The following CDH8 variants were observed in gnomAD, a reference collection of about 807,000 sequenced individuals.
The protein encoded by CDH8 is cadherin-8.
A neutral mutation model predicts 68.1 loss-of-function variants in CDH8; 17 were observed. The ratio of observed to expected loss-of-function variants is 0.25; its 90% CI spans 0.17 to 0.37. The LOEUF (loss-of-function observed/expected upper bound fraction) is 0.37. Ranked by LOEUF, CDH8 falls within the 10% of genes least tolerant of loss-of-function variation. The probability of loss-of-function intolerance (pLI) is 1.00; values close to 1 mark genes in which losing one functional copy is unlikely to be tolerated. For missense variants in CDH8, 763 were observed against 999.3 expected (o/e 0.76, Z 3.19); for synonymous variants, 372 against 365.1 (o/e 1.02, Z -0.21).
At chr16:61,867,479 A>G (rs1963278382) in intron 3 of CDH8, among the ~76,000 whole-genome samples, 2 of 152,128 alleles carry the variant, frequency 1.3e-5, no homozygotes, top group South Asian at 4.1e-4. Flanking sequence ...TAAACAGTTA[A>G]AGCAAAGTTT....
intron 3 of CDH8, among the ~76,000 whole-genome samples, chr16:61,879,181 C>T (rs1371639361): frequency 6.6e-6 from 1 of 151,892 alleles, no homozygotes; most frequent in Non-Finnish European, 1.5e-5. Flanking sequence ...CCTCTGATGA[C>T]AACAATTTAA....
At chr16:61,655,064 G>A (rs549675741) in intron 11 of CDH8, among the ~76,000 whole-genome samples, 3 of 152,182 alleles carry the variant, frequency 2.0e-5, no homozygotes, top group East Asian at 1.9e-4. Context: ...TTTGGGATCC[G>A]ATGGACTCAG....
At chr16:61,698,962 C>A (rs1286147037) in intron 10 of CDH8, among the ~76,000 whole-genome samples, 1 of 152,136 alleles carries the variant, frequency 6.6e-6, no homozygotes, top group East Asian at 1.9e-4. Flanking sequence ...GCCATGTAAT[C>A]CTCATTTATT....
intron 10 of CDH8, 131 bp downstream of exon 10, chr16:61,713,710 T>C (rs1964671290): frequency 1.0e-5 from 6 of 597,026 alleles, no homozygotes; most frequent in Non-Finnish European, 1.8e-5. Context: ...GCCATTATAC[T>C]GATAAGCTGA....
chr16:61,754,818 G>A (rs1460723475), intron 8 of CDH8, among the ~76,000 whole-genome samples: 2 of 151,798 alleles, frequency 1.3e-5, no homozygotes, highest in African/African-American at 4.8e-5. Context: ...AGGTTACCTG[G>A]GTATATTGTA....
chr16:61,996,423 T>C (rs1965805269), intron 2 of CDH8, among the ~76,000 whole-genome samples: 1 of 152,220 alleles, frequency 6.6e-6, no homozygotes, highest in South Asian at 2.1e-4. Context: ...CTCTGGCATT[T>C]TCCCTTCTTA....
intron 10 of CDH8, among the ~76,000 whole-genome samples, chr16:61,693,963 C>T (rs58873204): frequency 0.11 from 17,400 of 152,066 alleles, 1,003 homozygotes; most frequent in Non-Finnish European, 0.12. Flanking sequence ...AAATGCTTTA[C>T]CTCATTATCA....
chr16:61,925,660 C>A (rs1463678627), intron 2 of CDH8, among the ~76,000 whole-genome samples: 1 of 152,142 alleles, frequency 6.6e-6, no homozygotes, highest in Non-Finnish European at 1.5e-5. Flanking sequence ...AAGCATCAAG[C>A]AACATGAATT....
chr16:61,977,129 A>G (rs1267075235), intron 2 of CDH8, among the ~76,000 whole-genome samples: 1 of 152,134 alleles, frequency 6.6e-6, no homozygotes, highest in Non-Finnish European at 1.5e-5. Context: ...AAGTCCCTTT[A>G]CTTCTATAGA....
chr16:61,978,272 C>T (rs1046383632), intron 2 of CDH8, among the ~76,000 whole-genome samples: 10 of 152,156 alleles, frequency 6.6e-5, no homozygotes, highest in Non-Finnish European at 1.2e-4. Context: ...CCTCTTCCTG[C>T]ACAAATCACA....
intron 2 of CDH8, among the ~76,000 whole-genome samples, chr16:61,974,601 T>C (rs1965403811): frequency 6.6e-6 from 1 of 152,170 alleles, no homozygotes; most frequent in African/African-American, 2.4e-5. Context: ...GTAGATATCC[T>C]TAGATTTTTT....
intron 2 of CDH8, among the ~76,000 whole-genome samples, chr16:61,992,077 T>TGTGA (rs34925928): frequency 5.5e-5 from 8 of 144,242 alleles, no homozygotes; most frequent in South Asian, 4.6e-4. Flanking sequence ...TGTGTGTGTG[T>TGTGA]GAGAGAGAGA....
chr16:61,668,492 G>A (rs1296369483), intron 10 of CDH8, among the ~76,000 whole-genome samples: 1 of 152,042 alleles, frequency 6.6e-6, no homozygotes, highest in Non-Finnish European at 1.5e-5. Context: ...TCTGAGGAAT[G>A]CTTGCATTAA....
chr16:61,665,324 T>C (rs998588503), intron 10 of CDH8, among the ~76,000 whole-genome samples: 18 of 151,960 alleles, frequency 1.2e-4, no homozygotes, highest in African/African-American at 3.9e-4. Context: ...GTGTGGCACA[T>C]ATACTCCATG....
chr16:61,824,363 T>C (rs187040473), intron 5 of CDH8, among the ~76,000 whole-genome samples: 3 of 151,890 alleles, frequency 2.0e-5, no homozygotes, highest in African/African-American at 7.2e-5. Context: ...AGAGTCCCCA[T>C]GTCAGAAAGG....
chr16:61,667,379 A>T (rs1388084820), intron 10 of CDH8: 1 of 152,044 alleles, frequency 6.6e-6, no homozygotes, highest in African/African-American at 2.4e-5. Flanking sequence ...TGTTTACCCA[A>T]CAATTTACAA....
chr16:61,962,401 G>A (rs1396733936), intron 2 of CDH8, among the ~76,000 whole-genome samples: 2 of 152,138 alleles, frequency 1.3e-5, no homozygotes, highest in African/African-American at 4.8e-5. Context: ...CTGAGGGTGT[G>A]ACCTTTGTAT....
intron 7 of CDH8, among the ~76,000 whole-genome samples, chr16:61,817,174 C>T (rs1962094136): frequency 6.6e-6 from 1 of 152,044 alleles, no homozygotes; most frequent in Admixed American, 6.6e-5. Context: ...TAACAAGATC[C>T]ACCCAAATGT....
intron 7 of CDH8, among the ~76,000 whole-genome samples, chr16:61,813,223 C>T (rs962654629): frequency 1.3e-5 from 2 of 152,100 alleles, no homozygotes; most frequent in Admixed American, 6.6e-5. Context: ...ATTGGTCCTA[C>T]TCAGTCATCC....
Sources: gnomAD v4.1 joint callset for allele counts (sites outside exome capture counted in the v4.1 genomes callset) on GRCh38, gnomAD v4.1.1 for gene constraint, MANE v1.5 for transcripts, NCBI Gene and HGNC (gene_info 2026-07-23, HGNC 2026-07-21) for gene names.